Variants in RBMS3 observed in about 807,000 individuals in gnomAD.
RBMS3 encodes the protein RNA binding motif single stranded interacting protein 3, also known as RNA-binding motif, single-stranded-interacting protein 3.
RBMS3 carries 27 observed loss-of-function variants against 66.8 expected under a neutral mutation model. The observed-to-expected ratio is 0.40, with a 90% CI of 0.30 to 0.56. The LOEUF is 0.56. RBMS3 is among the 20% of genes least tolerant of loss of function. RBMS3 has a pLI of 0.40. For missense variants in RBMS3, 513 were observed against 549.5 expected (o/e 0.93, Z 0.66); for synonymous variants, 188 against 183.0 (o/e 1.03, Z -0.22).
At chr3:29,957,985 T>A (rs1696160018) in intron 12 of RBMS3, among the ~76,000 whole-genome samples, 1 of 152,166 alleles carries the variant, frequency 6.6e-6, no homozygotes, top group Admixed American at 6.5e-5. Context: ...TGTCTTTTAG[T>A]TCTTTTTCAT....
chr3:29,285,836 G>A (rs1393834477), intron 1 of RBMS3, among the ~76,000 whole-genome samples: 2 of 152,098 alleles, frequency 1.3e-5, no homozygotes, highest in Admixed American at 6.6e-5. Flanking sequence ...AGGCTTCCAC[G>A]GAGCAAAGGA....
chr3:29,992,927 T>A (rs1034331423), intron 14 of RBMS3, among the ~76,000 whole-genome samples: 2 of 152,122 alleles, frequency 1.3e-5, no homozygotes, highest in Admixed American at 6.5e-5. Flanking sequence ...GGGGCAAAAG[T>A]CTACGCCTAC....
At chr3:29,926,027 T>A (rs890215004) in intron 10 of RBMS3, among the ~76,000 whole-genome samples, 3 of 152,160 alleles carry the variant, frequency 2.0e-5, no homozygotes, top group African/African-American at 7.2e-5. Flanking sequence ...CTGGACAGTT[T>A]TAAATATATT....
chr3:29,697,995 T>C (rs556587150), intron 4 of RBMS3, among the ~76,000 whole-genome samples: 2 of 152,362 alleles, frequency 1.3e-5, no homozygotes, highest in Admixed American at 1.3e-4. Flanking sequence ...CCTTTTGTTA[T>C]ACTGCTGATA....
At chr3:29,607,524 A>C (rs892788760) in intron 4 of RBMS3, among the ~76,000 whole-genome samples, 1 of 151,926 alleles carries the variant, frequency 6.6e-6, no homozygotes, top group African/African-American at 2.4e-5. Flanking sequence ...AGGCCCCACC[A>C]CCCAATATCA....
At chr3:29,832,327 A>G (rs2058390547) in intron 6 of RBMS3, among the ~76,000 whole-genome samples, 1 of 152,130 alleles carries the variant, frequency 6.6e-6, no homozygotes, top group Admixed American at 6.6e-5. Flanking sequence ...AAGCACTAAT[A>G]ATTAGAGCAA....
intron 4 of RBMS3, among the ~76,000 whole-genome samples, chr3:29,686,463 T>C (rs2051738185): frequency 6.6e-6 from 1 of 152,140 alleles, no homozygotes; most frequent in Non-Finnish European, 1.5e-5. Context: ...AATAGGAGAA[T>C]TGCTTGAGGC....
At chr3:29,373,969 G>C (rs1349933847) in intron 1 of RBMS3, among the ~76,000 whole-genome samples, 1 of 152,182 alleles carries the variant, frequency 6.6e-6, no homozygotes, top group African/African-American at 2.4e-5. Context: ...TGGGTGGTCA[G>C]CATTAGAGCA....
intron 3 of RBMS3, among the ~76,000 whole-genome samples, chr3:29,511,232 G>T (rs903175809): frequency 2.6e-5 from 4 of 152,154 alleles, no homozygotes; most frequent in African/African-American, 9.7e-5. Flanking sequence ...AGGAGCAGAG[G>T]TTACAGTGAG....
chr3:29,282,562 T>C (rs2031900271), intron 1 of RBMS3, among the ~76,000 whole-genome samples: 1 of 152,166 alleles, frequency 6.6e-6, no homozygotes, highest in Non-Finnish European at 1.5e-5. Context: ...CCCTGAACTT[T>C]ATCCTGCAGT....
chr3:29,901,604 G>C (rs1296642959), intron 10 of RBMS3, among the ~76,000 whole-genome samples: 1 of 151,702 alleles, frequency 6.6e-6, no homozygotes, highest in African/African-American at 2.4e-5. Flanking sequence ...GTGTTCGCAT[G>C]TATTATTTCT....
intron 6 of RBMS3, among the ~76,000 whole-genome samples, chr3:29,796,911 A>G (rs1171012034): frequency 1.3e-5 from 2 of 151,850 alleles, no homozygotes; most frequent in Non-Finnish European, 2.9e-5. Flanking sequence ...ATGAGGTTTC[A>G]CCATGTTGAC....
At chr3:29,579,888 G>T (rs1183950115) in intron 3 of RBMS3, among the ~76,000 whole-genome samples, 1 of 152,124 alleles carries the variant, frequency 6.6e-6, no homozygotes, top group Non-Finnish European at 1.5e-5. Flanking sequence ...AAAGCATAGT[G>T]ACTGCACTAA....
At chr3:29,552,506 G>A (rs2046210050) in intron 3 of RBMS3, among the ~76,000 whole-genome samples, 2 of 152,092 alleles carry the variant, frequency 1.3e-5, no homozygotes, top group African/African-American at 4.8e-5. Context: ...TTCAGAGGAA[G>A]CGTTATATTT....
chr3:29,498,735 C>T (rs182321366), intron 3 of RBMS3, among the ~76,000 whole-genome samples: 18 of 152,208 alleles, frequency 1.2e-4, no homozygotes, highest in East Asian at 1.9e-4. Context: ...TGTTATATGC[C>T]GGGCACATAC....
intron 11 of RBMS3, among the ~76,000 whole-genome samples, chr3:29,937,174 A>G (rs1205655857): frequency 6.6e-6 from 1 of 152,036 alleles, no homozygotes; most frequent in Non-Finnish European, 1.5e-5. Flanking sequence ...GTTTCTGTCA[A>G]TTTTTGGGAA....
At chr3:29,701,248 G>T (rs2052559160) in intron 4 of RBMS3, among the ~76,000 whole-genome samples, 1 of 151,698 alleles carries the variant, frequency 6.6e-6, no homozygotes, top group Admixed American at 6.6e-5. Flanking sequence ...TTGCACTCCA[G>T]CCTGGGCAAT....
At chr3:29,338,826 G>A (rs975529051) in intron 1 of RBMS3, among the ~76,000 whole-genome samples, 6 of 151,720 alleles carry the variant, frequency 4.0e-5, no homozygotes, top group Non-Finnish European at 7.4e-5. Flanking sequence ...AAGAACCACC[G>A]TATCAGCTAT....
At chr3:29,416,833 C>T (rs543616709) in intron 1 of RBMS3, among the ~76,000 whole-genome samples, 4 of 152,090 alleles carry the variant, frequency 2.6e-5, no homozygotes, top group African/African-American at 4.8e-5. Flanking sequence ...AAGCCAGAAG[C>T]GAACTCTGTG....
Sources: allele counts gnomAD v4.1 joint callset (sites outside exome capture counted in the v4.1 genomes callset), GRCh38; gene constraint gnomAD v4.1.1; transcripts MANE v1.5; gene names NCBI Gene and HGNC (gene_info 2026-07-23, HGNC 2026-07-21).